The following CORIN variants were observed in gnomAD, a reference collection of about 807,000 sequenced individuals.
CORIN encodes the protein corin, serine peptidase, also known as atrial natriuretic peptide-converting enzyme.
In CORIN, 117 loss-of-function variants were observed where a neutral mutation model predicts 125.3. That is an observed-to-expected ratio of 0.93 (90% CI 0.80 to 1.09). The LOEUF (loss-of-function observed/expected upper bound fraction) is 1.09. Ranked by LOEUF, CORIN falls within the 50% of genes least tolerant of loss-of-function variation. The pLI, the probability that CORIN is intolerant of heterozygous loss-of-function variation, is 0.00. For missense variants in CORIN, 1,253 were observed against 1,306.7 expected (o/e 0.96, Z 0.63); for synonymous variants, 450 against 466.4 (o/e 0.96, Z 0.45).
At chr4:47,730,394 A>AC in intron 5 of CORIN, among the ~76,000 whole-genome samples, 1 of 149,358 alleles carries the variant, frequency 6.7e-6, no homozygotes, top group South Asian at 2.1e-4. Flanking sequence ...AATCGCATGA[A>AC]CCCGGAAGGC....
rs773380067 is a variant in CORIN at position 47,744,574 on chromosome 4, G to C, written c.627C>G (p.Leu209=). The C allele has an allele frequency of 1.3e-6, 2 of 1,589,558 alleles. No homozygotes were observed. Among genetic ancestry groups the C allele is most frequent in the Non-Finnish European group, 1.7e-6 (2 of 1,171,204 alleles). The change falls in exon 5 of 22, where the codon CTC becomes CTG. Residue 209 remains leucine, a synonymous_variant. Coordinates refer to ENST00000273857, the MANE Select transcript of CORIN (RefSeq NM_006587.4). ...CIIDGDDSHG[L]LPCRSFCEAA... ...CCTCACAGAAGGACCTACAGGGCAG[G>C]AGTCCATGACTAAAAAAAAAAAAAG...
At chr4:47,600,665 G>GA (rs1398155065) in intron 20 of CORIN, among the ~76,000 whole-genome samples, 1 of 152,128 alleles carries the variant, frequency 6.6e-6, no homozygotes, top group Non-Finnish European at 1.5e-5. Context: ...ACAAAGAAAA[G>GA]AAAAAAATCA....
intron 1 of CORIN, among the ~76,000 whole-genome samples, chr4:47,811,917 T>A (rs1053606844): frequency 3.4e-4 from 52 of 152,202 alleles, no homozygotes; most frequent in African/African-American, 1.1e-3. Context: ...CTTTACTATC[T>A]GATACTTTAT....
At chr4:47,622,208 T>C (rs1160198724) in intron 19 of CORIN, among the ~76,000 whole-genome samples, 2 of 152,110 alleles carry the variant, frequency 1.3e-5, no homozygotes, top group African/African-American at 2.4e-5. Context: ...CATAGTATTC[T>C]ATGGTGTGTA....
At chr4:47,743,026 T>C (rs767116760) in intron 5 of CORIN, among the ~76,000 whole-genome samples, 1 of 152,082 alleles carries the variant, frequency 6.6e-6, no homozygotes, top group East Asian at 1.9e-4. Flanking sequence ...GTCAATTGAA[T>C]ATACACATAG....
chr4:47,714,170 A>G (rs1422766009), intron 5 of CORIN, among the ~76,000 whole-genome samples: 1 of 152,244 alleles, frequency 6.6e-6, no homozygotes, highest in African/African-American at 2.4e-5. Context: ...AGATTAAAAG[A>G]AATACAGTAT....
chr4:47,790,465 T>TC (rs1560550566), intron 2 of CORIN, among the ~76,000 whole-genome samples: 1 of 152,066 alleles, frequency 6.6e-6, no homozygotes, highest in African/African-American at 2.4e-5. Context: ...CCCTTTTTTT[T>TC]CCCCTTTTAG....
rs1722575823 is a variant in CORIN at position 47,626,510 on chromosome 4, A to C, written c.2210T>G (p.Val737Gly). The stretch of plus-strand genomic sequence containing the variant: ...CTCCTGTTCCTGTATCAATTTGGTC[A>C]CAGATGGTTCTCTGATACAAGGCAA... ...CKQMGLGEPS[V>G]TKLIQEQEKE... The change falls in exon 17 of 22, where the codon GTG (valine) becomes GGG (glycine). Residue 737 changes from valine to glycine, a missense_variant. Transcript: ENST00000273857. 1.9e-6 allele frequency: 3 copies of C among 1,611,708 alleles called. No individual in the cohort carries two copies. Among genetic ancestry groups the C allele is most frequent in the South Asian group, 2.2e-5 (2 of 91,024 alleles).
intron 20 of CORIN, among the ~76,000 whole-genome samples, chr4:47,601,616 C>T (rs199583228): frequency 1.3e-5 from 2 of 151,996 alleles, no homozygotes; most frequent in African/African-American, 2.4e-5. Flanking sequence ...TTATGTTGCA[C>T]TATTGCTCTG....
intron 5 of CORIN, among the ~76,000 whole-genome samples, chr4:47,695,337 T>C (rs1725941700): frequency 6.6e-6 from 1 of 152,226 alleles, no homozygotes; most frequent in Non-Finnish European, 1.5e-5. Context: ...GCAGCTGCAA[T>C]GCCTCACAAG....
In CORIN at chr4:47,795,929, T is replaced by C. The variant is rs111647406; in HGVS notation, c.209-9004A>G. Among the ~76,000 whole-genome samples the C allele has an allele frequency of 8.5e-3, 1,291 of 152,200 alleles. 6 individuals carry two copies. The highest frequency in any genetic ancestry group is 0.014 in the Middle Eastern group (4 of 294). On this transcript the variant is annotated intron_variant, in intron 2 of 21. Transcript: ENST00000273857. ...ATGATAAAGAGATGTCACATCATGGTTGTTATGATGGCTATTACCAAAAAC... is the reference window on the plus strand; with the variant it reads ...ATGATAAAGAGATGTCACATCATGGCTGTTATGATGGCTATTACCAAAAAC...
At chr4:47,816,198 A>G (rs1447574266) in intron 1 of CORIN, among the ~76,000 whole-genome samples, 1 of 152,256 alleles carries the variant, frequency 6.6e-6, no homozygotes, top group African/African-American at 2.4e-5. Context: ...CCTGCTGAAA[A>G]GGAATCCTGC....
chr4:47,694,705 G>A (rs1725906841), intron 5 of CORIN, among the ~76,000 whole-genome samples: 1 of 152,114 alleles, frequency 6.6e-6, no homozygotes, highest in South Asian at 2.1e-4. Flanking sequence ...AGGACCCAGC[G>A]GAGTGCCTGG....
chr4:47,634,893 G>A (rs973362639), intron 16 of CORIN, among the ~76,000 whole-genome samples: 1 of 152,176 alleles, frequency 6.6e-6, no homozygotes, highest in African/African-American at 2.4e-5. Context: ...GGTCCCAAAG[G>A]AAGGGAGGAA....
Position 47,800,465 on chromosome 4 carries a change from AGACTTTTTAAAAT to A in CORIN, c.208+6425_208+6437del, listed in dbSNP as rs1304699483. Among the ~76,000 whole-genome samples, 9 of 152,320 alleles carry A rather than the reference AGACTTTTTAAAAT, an allele frequency of 5.9e-5. No homozygotes were observed. The East Asian group carries it at 1.7e-3, about 29-fold the overall frequency. ...GAGCCAATGAACATAGTCTCATGAC[AGACTTTTTAAAAT>A]GACAGTGGTATAGCTGAGGAAGCTC... On this transcript the variant is annotated intron_variant, in intron 2 of 21. Transcript: ENST00000273857.
At chr4:47,605,597 C>G (rs1241626775) in intron 19 of CORIN, among the ~76,000 whole-genome samples, 1 of 152,126 alleles carries the variant, frequency 6.6e-6, no homozygotes, top group Non-Finnish European at 1.5e-5. Flanking sequence ...ACCACTGTTC[C>G]TGCTTGGGAG....
At chr4:47,635,788 A>G (rs1176358162) in intron 16 of CORIN, among the ~76,000 whole-genome samples, 1 of 152,222 alleles carries the variant, frequency 6.6e-6, no homozygotes, top group Non-Finnish European at 1.5e-5. Flanking sequence ...GGTTTTGAAG[A>G]CAACATGAAA....
chr4:47,706,670 T>C (rs910408749), intron 5 of CORIN: 11 of 1,610,112 alleles, frequency 6.8e-6, no homozygotes, highest in African/African-American at 6.7e-5. Flanking sequence ...AAGCCTTCAG[T>C]CCGTTGCGGA....
At chr4:47,671,510 T>G (rs1692300450) in intron 10 of CORIN, among the ~76,000 whole-genome samples, 1 of 152,242 alleles carries the variant, frequency 6.6e-6, no homozygotes, top group African/African-American at 2.4e-5. Flanking sequence ...ATATATCATC[T>G]TGAAGTTCTT....
Sources: allele counts gnomAD v4.1 joint callset (sites outside exome capture counted in the v4.1 genomes callset), GRCh38; gene constraint gnomAD v4.1.1; transcripts MANE v1.5; gene names NCBI Gene and HGNC (gene_info 2026-07-23, HGNC 2026-07-21).